Variants in NAA11 observed in about 807,000 individuals in gnomAD.
The protein encoded by NAA11 is N-alpha-acetyltransferase 11.
A neutral mutation model predicts 16.1 loss-of-function variants in NAA11; 15 were observed. That is an observed-to-expected ratio of 0.93 (90% confidence interval 0.62 to 1.44). The LOEUF is 1.44. Ranked by LOEUF, NAA11 falls within the 40% of genes most tolerant of loss-of-function variation. The pLI is 0.00. For synonymous variants in NAA11, 122 were observed against 112.4 expected, an observed-to-expected ratio of 1.09 and a Z score of -0.54; for missense variants, 298 against 291.3, an observed-to-expected ratio of 1.02 and a Z score of -0.17.
chr4:79,219,220 G>T, the NAA11 span, among the ~76,000 whole-genome samples: 1 of 152,092 alleles, frequency 6.6e-6, no homozygotes, highest in African/African-American at 2.4e-5. Flanking sequence ...GCCAATATGA[G>T]CTTGGTCGAT....
intron 2 of NAA11, among the ~76,000 whole-genome samples, chr4:79,288,387 G>A (rs148530439): frequency 1.3e-5 from 2 of 152,296 alleles, no homozygotes; most frequent in Admixed American, 1.3e-4. Context: ...AAAACATTAT[G>A]CAAGGTCAGC....
At chr4:79,202,364 A>G in the NAA11 span, among the ~76,000 whole-genome samples, 2 of 150,802 alleles carry the variant, frequency 1.3e-5, no homozygotes, top group Non-Finnish European at 1.5e-5. Flanking sequence ...TCCTCATTAT[A>G]TTTTTGAACA....
At chr4:79,189,831 A>G in the NAA11 span, among the ~76,000 whole-genome samples, 3 of 152,214 alleles carry the variant, frequency 2.0e-5, no homozygotes, top group Admixed American at 1.3e-4. Context: ...GTCTGAAGAC[A>G]TAGAAAAGAG....
intron 2 of NAA11, among the ~76,000 whole-genome samples, chr4:79,252,107 C>T (rs1722010802): frequency 1.3e-5 from 2 of 152,164 alleles, no homozygotes. Flanking sequence ...ATTGCATGTT[C>T]TCACTTATAA....
the NAA11 span, among the ~76,000 whole-genome samples, chr4:79,158,180 C>T: frequency 3.8e-4 from 58 of 152,020 alleles, no homozygotes; most frequent in South Asian, 0.01. Flanking sequence ...GGATTACAGC[C>T]GTGAGACACT....
chr4:79,241,411 A>T (rs1036611861), intron 2 of NAA11, among the ~76,000 whole-genome samples: 2 of 152,170 alleles, frequency 1.3e-5, no homozygotes, highest in Admixed American at 6.5e-5. Context: ...TAAAGGTTAG[A>T]GTCGATTTTT....
At chr4:79,322,868 T>C (rs1560478855) in intron 1 of NAA11, among the ~76,000 whole-genome samples, 1 of 152,178 alleles carries the variant, frequency 6.6e-6, no homozygotes, top group Non-Finnish European at 1.5e-5. Flanking sequence ...TGAGGACAGA[T>C]TCTTTCTAAC....
At chr4:79,278,751 A>G (rs1722722744) in intron 2 of NAA11, among the ~76,000 whole-genome samples, 1 of 152,166 alleles carries the variant, frequency 6.6e-6, no homozygotes, top group Admixed American at 6.5e-5. Flanking sequence ...GAACGCTACT[A>G]TAAAATCACA....
At chr4:79,155,490 G>T in the NAA11 span, among the ~76,000 whole-genome samples, 1 of 152,148 alleles carries the variant, frequency 6.6e-6, no homozygotes, top group Non-Finnish European at 1.5e-5. Context: ...TCTTTGCACA[G>T]TGAATTCTTG....
the NAA11 span, among the ~76,000 whole-genome samples, chr4:79,185,004 T>C: frequency 5.3e-5 from 8 of 152,210 alleles, no homozygotes; most frequent in African/African-American, 1.4e-4. Flanking sequence ...CTGAAAAAGC[T>C]GTACATAAAA....
the NAA11 span, among the ~76,000 whole-genome samples, chr4:79,220,339 C>G: frequency 6.6e-6 from 1 of 152,090 alleles, no homozygotes; most frequent in African/African-American, 2.4e-5. Context: ...GTGATCCACC[C>G]GCCTTGGCCT....
downstream of NAA11, among the ~76,000 whole-genome samples, chr4:79,221,018 C>T (rs1330471948): frequency 6.6e-6 from 1 of 151,558 alleles, no homozygotes; most frequent in East Asian, 1.9e-4. Context: ...ATGGAATGTT[C>T]TTCCATTTGT....
intron 2 of NAA11, among the ~76,000 whole-genome samples, chr4:79,265,634 T>TGCA (rs1459392077): frequency 6.6e-6 from 1 of 152,222 alleles, no homozygotes; most frequent in Non-Finnish European, 1.5e-5. Flanking sequence ...TCCAGTTAAA[T>TGCA]GCATGGCTTA....
intron 2 of NAA11, among the ~76,000 whole-genome samples, chr4:79,231,698 G>A (rs1721470147): frequency 6.6e-6 from 1 of 151,570 alleles, no homozygotes; most frequent in Non-Finnish European, 1.5e-5. Flanking sequence ...GATACAGTAG[G>A]GAGACAAAAC....
At chr4:79,277,886 G>T (rs909607808) in intron 2 of NAA11, among the ~76,000 whole-genome samples, 1 of 151,624 alleles carries the variant, frequency 6.6e-6, no homozygotes, top group Non-Finnish European at 1.5e-5. Context: ...ATCTGTAAGG[G>T]TGCACCCTTC....
At chr4:79,246,666 A>G (rs997282387) in intron 2 of NAA11, among the ~76,000 whole-genome samples, 1 of 152,236 alleles carries the variant, frequency 6.6e-6, no homozygotes, top group South Asian at 2.1e-4. Context: ...GCAGTTTATA[A>G]TAATATACTA....
At chr4:79,293,224 C>G (rs1051672127) in intron 2 of NAA11, among the ~76,000 whole-genome samples, 1 of 151,984 alleles carries the variant, frequency 6.6e-6, no homozygotes, top group Non-Finnish European at 1.5e-5. Flanking sequence ...GGTGACTGGT[C>G]ATGTCATAGA....
At chr4:79,281,545 T>C (rs979773390) in intron 2 of NAA11, among the ~76,000 whole-genome samples, 2 of 152,086 alleles carry the variant, frequency 1.3e-5, no homozygotes, top group African/African-American at 4.8e-5. Flanking sequence ...AAGTTCTTTG[T>C]TGTCGAGTCC....
chr4:79,222,717 A>G (rs1279854775), downstream of NAA11, among the ~76,000 whole-genome samples: 3 of 148,918 alleles, frequency 2.0e-5, no homozygotes, highest in African/African-American at 7.4e-5. Flanking sequence ...AACCTACAAA[A>G]TGGGAGAAAA....
Sources: allele counts gnomAD v4.1 joint callset (sites outside exome capture counted in the v4.1 genomes callset), GRCh38; gene constraint gnomAD v4.1.1; transcripts MANE v1.5; gene names NCBI Gene and HGNC (gene_info 2026-07-23, HGNC 2026-07-21).